The following LMBR1 variants were observed in gnomAD, a reference collection of about 807,000 sequenced individuals.
LMBR1 encodes limb region 1 protein homolog.
LMBR1 carries 52 observed loss-of-function variants against 73.9 expected under a neutral mutation model. The observed-to-expected ratio is 0.70, with a 90% CI of 0.56 to 0.89. The LOEUF is 0.89. Among genes scored for constraint, LMBR1 ranks in the 40% least tolerant of loss-of-function variants. The probability of loss-of-function intolerance (pLI) is 0.00; values close to 1 mark genes in which losing one functional copy is unlikely to be tolerated. For synonymous variants in LMBR1, 215 were observed against 209.4 expected (o/e 1.03, Z -0.23); for missense variants, 539 against 579.8 (o/e 0.93, Z 0.72).
In LMBR1 at chr7:156,680,010, T is replaced by G. The variant is rs1804733004; in HGVS notation, c.*4068A>C. ...ATGGATCAATCACCAAGTTTTGAAA[T>G]TTTGTATATATTTGTGAGTTTTAGG... On this transcript the variant is annotated 3_prime_UTR_variant, in exon 17 of 17. Coordinates refer to ENST00000353442, the MANE Select transcript of LMBR1 (RefSeq NM_022458.4). The G allele has an allele frequency of 1.3e-5, 2 of 152,236 alleles. No individual in the cohort carries two copies. The highest frequency in any genetic ancestry group is 6.5e-5 in the Admixed American group (1 of 15,294). The allele number at this position is 152,236 out of a possible 1,614,324, so 9.4% of individuals were successfully genotyped here.
At chr7:156,891,588 G>C (rs1296776209) in intron 1 of LMBR1, among the ~76,000 whole-genome samples, 1 of 152,134 alleles carries the variant, frequency 6.6e-6, no homozygotes, top group Non-Finnish European at 1.5e-5. Context: ...ATCAGTCTCT[G>C]GGATCCTAGT....
intron 5 of LMBR1, among the ~76,000 whole-genome samples, chr7:156,787,108 A>G (rs929153751): frequency 6.6e-6 from 1 of 152,096 alleles, no homozygotes; most frequent in Non-Finnish European, 1.5e-5. Context: ...TCCTCTATCA[A>G]TGGGCAAGGT....
chr7:156,739,358 T>C (rs1013727361), intron 9 of LMBR1, among the ~76,000 whole-genome samples: 1 of 152,146 alleles, frequency 6.6e-6, no homozygotes, highest in African/African-American at 2.4e-5. Context: ...CTGCCCTGGG[T>C]CTGAGGGAAC....
At chr7:156,817,722 A>G (rs80238826) in intron 4 of LMBR1, among the ~76,000 whole-genome samples, 7 of 152,224 alleles carry the variant, frequency 4.6e-5, no homozygotes, top group Non-Finnish European at 1.0e-4. Flanking sequence ...CCAAAAAAAA[A>G]TGCATATCAT....
chr7:156,838,910 C>A (rs538826789), intron 1 of LMBR1, among the ~76,000 whole-genome samples: 121 of 152,134 alleles, frequency 8.0e-4, no homozygotes, highest in Non-Finnish European at 1.6e-3. Context: ...TTACAGCCAC[C>A]CTAACAGATG....
At chr7:156,807,556 T>C (rs542221408) in intron 4 of LMBR1, among the ~76,000 whole-genome samples, 7 of 132,506 alleles carry the variant, frequency 5.3e-5, no homozygotes, top group Admixed American at 4.9e-4. Context: ...ATACTGGCAA[T>C]TGGTCTCTTC....
chr7:156,879,260 C>CCCACAGAG (rs1563609550), intron 1 of LMBR1, among the ~76,000 whole-genome samples: 2 of 152,150 alleles, frequency 1.3e-5, no homozygotes, highest in East Asian at 3.8e-4. Flanking sequence ...AAACAGAAAA[C>CCCACAGAG]CCACAGAGTG....
At chr7:156,833,091 C>T (rs374297892) in intron 3 of LMBR1, among the ~76,000 whole-genome samples, 2 of 152,074 alleles carry the variant, frequency 1.3e-5, no homozygotes, top group South Asian at 2.1e-4. Flanking sequence ...ATCAGATGAG[C>T]GACTTCTAAA....
At position 156,769,147 on chromosome 7, in the gene LMBR1, A is replaced by G. The variant is rs950788705; in HGVS notation, c.424-5352T>C. Among the ~76,000 whole-genome samples, 16 of 152,156 alleles carry G rather than the reference A, an allele frequency of 1.1e-4. No homozygotes were observed. Among genetic ancestry groups the G allele is most frequent in the African/African-American group, 3.6e-4 (15 of 41,436 alleles). On this transcript the variant is annotated intron_variant, in intron 5 of 16. Transcript: ENST00000353442. Reference sequence around the variant, plus strand: ...CAGTGCAAGCTACATCACAGATGGAATAAGCCCAAACACCCTACTCAAAAA... The same window carrying G: ...CAGTGCAAGCTACATCACAGATGGAGTAAGCCCAAACACCCTACTCAAAAA...
intron 15 of LMBR1, among the ~76,000 whole-genome samples, chr7:156,707,971 T>A (rs981307447): frequency 4.6e-5 from 7 of 151,762 alleles, no homozygotes; most frequent in Non-Finnish European, 5.9e-5. Flanking sequence ...CTCTTGGATT[T>A]GATAAATTCA....
intron 3 of LMBR1, among the ~76,000 whole-genome samples, chr7:156,828,997 C>A (rs1404815307): frequency 2.0e-5 from 3 of 152,174 alleles, no homozygotes; most frequent in Non-Finnish European, 2.9e-5. Context: ...CATTAGACGC[C>A]CCTTTCCCTT....
At chr7:156,877,281 A>C (rs1007931015) in intron 1 of LMBR1, among the ~76,000 whole-genome samples, 3 of 152,116 alleles carry the variant, frequency 2.0e-5, no homozygotes, top group African/African-American at 7.2e-5. Context: ...ACCAAAAAAA[A>C]AAAGTCCAGG....
At chr7:156,819,145 A>C (rs1834370101) in intron 4 of LMBR1, among the ~76,000 whole-genome samples, 2 of 152,242 alleles carry the variant, frequency 1.3e-5, no homozygotes, top group African/African-American at 4.8e-5. Flanking sequence ...CTTACATGAC[A>C]CAGTTTACTA....
intron 1 of LMBR1, among the ~76,000 whole-genome samples, chr7:156,859,572 A>T (rs925661378): frequency 1.3e-4 from 8 of 62,926 alleles, no homozygotes; most frequent in Admixed American, 2.0e-4. Context: ...ATTTGAAATA[A>T]AAAAAAAAAC....
rs375208084 is a variant in LMBR1, at chr7:156,712,334, GCTA to G, written c.1225+11775_1225+11777del. On this transcript the variant is annotated intron_variant, in intron 15 of 16. Transcript: ENST00000353442. ...ATATTATCTTACATCAGTCAGAATG[GCTA>G]CTATTAAAAAGTAAAAAAAAACAAC... Among the ~76,000 whole-genome samples the G allele has an allele frequency of 4.5e-4, 69 of 152,180 alleles. No individual in the cohort carries two copies. In the East Asian group the frequency reaches 0.011, roughly 24 times the overall value.
At chr7:156,856,211 T>A (rs1400922992) in intron 1 of LMBR1, among the ~76,000 whole-genome samples, 1 of 151,428 alleles carries the variant, frequency 6.6e-6, no homozygotes. Flanking sequence ...TAAATAAATA[T>A]AGACAGATAG....
chr7:156,889,787 G>A (rs897761363), intron 1 of LMBR1, among the ~76,000 whole-genome samples: 1 of 152,134 alleles, frequency 6.6e-6, no homozygotes, highest in African/African-American at 2.4e-5. Context: ...TTGAGCCCAG[G>A]AGACAGGTCT....
In LMBR1 at chr7:156,836,941, A is replaced by G. The variant is rs531058310; in HGVS notation, c.67-56T>C. 11 of 1,057,042 alleles carry G rather than the reference A, an allele frequency of 1.0e-5. No homozygotes were observed. The African/African-American group carries it at 1.6e-4, about 15-fold the overall frequency. 65.5% of individuals were successfully genotyped at this position (1,057,042 alleles called of 1,614,324 possible). ...ACTTTTTTGCATATCTTTTTTAAAT[A>G]CTAGAAGATATATCTGTGATATTTA... is the stretch of plus-strand genomic sequence containing the variant. On this transcript the variant is annotated intron_variant, in intron 1 of 16. Transcript: ENST00000353442.
intron 9 of LMBR1, among the ~76,000 whole-genome samples, chr7:156,749,359 GACT>G (rs1355424804): frequency 6.6e-6 from 1 of 152,170 alleles, no homozygotes; most frequent in African/African-American, 2.4e-5. Context: ...GTCTCTGACA[GACT>G]ACTACTCTGA....
Sources: allele counts gnomAD v4.1 joint callset (sites outside exome capture counted in the v4.1 genomes callset), GRCh38; gene constraint gnomAD v4.1.1; transcripts MANE v1.5; gene names NCBI Gene and HGNC (gene_info 2026-07-23, HGNC 2026-07-21).